The following IP6K3 variants were observed in gnomAD, a reference collection of about 807,000 sequenced individuals.
IP6K3 encodes the protein inositol hexakisphosphate kinase 3.
Under a neutral mutation model 28.8 loss-of-function variants are expected in IP6K3, and 20 were observed. The ratio of observed to expected loss-of-function variants is 0.70; its 90% CI spans 0.49 to 1.01. The LOEUF (loss-of-function observed/expected upper bound fraction) is 1.01. IP6K3 is among the 50% of genes least tolerant of loss of function. The probability of loss-of-function intolerance (pLI) is 0.00; values close to 1 mark genes in which losing one functional copy is unlikely to be tolerated. For missense variants in IP6K3, 480 were observed against 537.1 expected, an observed-to-expected ratio of 0.89 and a Z score of 1.05; for synonymous variants, 213 against 221.3, an observed-to-expected ratio of 0.96 and a Z score of 0.33.
chr6:33,746,887 G>A lies in IP6K3; in HGVS notation c.-309C>T, dbSNP rs1398039507. The A allele has an allele frequency of 6.6e-6, 1 of 152,448 alleles. No homozygotes were observed. Among genetic ancestry groups the A allele is most frequent in the Non-Finnish European group, 1.5e-5 (1 of 68,180 alleles). 9.4% of individuals were successfully genotyped at this position (152,448 alleles called of 1,614,324 possible). ...CGTGGAGCATTTGCTGTTCACCAGAGCCCTGGTGCGGGAGGTCTGCCCGGG... is the reference window on the plus strand; with the variant it reads ...CGTGGAGCATTTGCTGTTCACCAGAACCCTGGTGCGGGAGGTCTGCCCGGG... On this transcript the variant is annotated 5_prime_UTR_variant, in exon 1 of 6. Coordinates refer to ENST00000293756, the MANE Select transcript of IP6K3 (RefSeq NM_054111.5). This position sits in a 1 kb window ranked among gnomAD's most constrained non-coding sequence, Gnocchi z 6.5.
At chr6:33,750,518 A>G (rs1298915413), upstream of IP6K3, among the ~76,000 whole-genome samples, 2 of 152,008 alleles carry the variant, frequency 1.3e-5, no homozygotes, top group Non-Finnish European at 2.9e-5. This position sits in a 1 kb window ranked among gnomAD's most constrained non-coding sequence, Gnocchi z 4.3. Context: ...TTTTTTTAGA[A>G]GTGCTTATGC....
chr6:33,731,240 A>G (rs2127354995), intron 2 of IP6K3, among the ~76,000 whole-genome samples: 1 of 152,250 alleles, frequency 6.6e-6, no homozygotes, highest in African/African-American at 2.4e-5. Context: ...GGAAAATTCA[A>G]GCTGCCCTCC....
In IP6K3 at chr6:33,726,763, A is replaced by G; in HGVS notation, c.557T>C (p.Leu186Pro). The change falls in exon 4 of 6, where the codon CTG becomes CCG. Residue 186 changes from leucine (L) to proline (P), a missense_variant. Coordinates refer to ENST00000293756, the MANE Select transcript of IP6K3 (RefSeq NM_054111.5). ...LQCHQAHLTR[L>P]CSEYPENKRH... Reference sequence around the variant, plus strand: ...CTTGTTCTCTGGGTACTCGGAGCACAGGCGGGTCAGGTGGGCCTGGTGGCA... The same window carrying G: ...CTTGTTCTCTGGGTACTCGGAGCACGGGCGGGTCAGGTGGGCCTGGTGGCA... The G allele has an allele frequency of 6.2e-7, 1 of 1,601,830 alleles. No individual in the cohort carries two copies. Among genetic ancestry groups the G allele is most frequent in the South Asian group, 1.1e-5 (1 of 90,414 alleles).
At chr6:33,753,214 G>T in the IP6K3 span, among the ~76,000 whole-genome samples, 1 of 152,158 alleles carries the variant, frequency 6.6e-6, no homozygotes, top group East Asian at 1.9e-4. Flanking sequence ...CACCACGCTT[G>T]ACCTATTATT....
the IP6K3 span, among the ~76,000 whole-genome samples, chr6:33,760,174 G>A: frequency 2.6e-5 from 4 of 152,234 alleles, no homozygotes; most frequent in Non-Finnish European, 5.9e-5. Flanking sequence ...CTAGCTAGAA[G>A]CTTTGACCCT....
At chr6:33,724,375 G>A (rs1360138023) in intron 5 of IP6K3, among the ~76,000 whole-genome samples, 8 of 152,330 alleles carry the variant, frequency 5.3e-5, no homozygotes, top group Middle Eastern at 6.8e-3. Context: ...GCTTCAAGGG[G>A]TGGCGGTTTC....
chr6:33,735,728 GC>G, intron 1 of IP6K3, 73 bp from the exon 2 acceptor site: 1 of 749,164 alleles, frequency 1.3e-6, no homozygotes, highest in Non-Finnish European at 2.1e-6. Flanking sequence ...GCTTGGAAGG[GC>G]CCACACAGCC....
At chr6:33,736,426 A>T (rs888903709) in intron 1 of IP6K3, among the ~76,000 whole-genome samples, 7 of 151,842 alleles carry the variant, frequency 4.6e-5, no homozygotes, top group African/African-American at 1.7e-4. Flanking sequence ...TTATTTAGAG[A>T]CAGAGTCTCA....
chr6:33,725,581 T>G lies in IP6K3; in HGVS notation c.625A>C (p.Thr209Pro). The G allele has an allele frequency of 6.2e-7, 1 of 1,614,210 alleles. No individual in the cohort carries two copies. Among genetic ancestry groups the G allele is most frequent in the South Asian group, 1.1e-5 (1 of 91,082 alleles). The stretch of plus-strand genomic sequence containing the variant: ...TTCAGATCCAGGACACAGGGATGCG[T>G]GTACTGTGACACTACATTTTCCAGC... ...LLLENVVSQY[T>P]HPCVLDLKMG... The change falls in exon 5 of 6, where the codon ACG (threonine) becomes CCG (proline). Residue 209 changes from threonine (T) to proline (P), a missense_variant. By Grantham distance (38) the Thr-to-Pro change is conservative. Transcript: ENST00000293756.
chr6:33,728,828 A>G (rs2127352688), intron 2 of IP6K3, among the ~76,000 whole-genome samples: 1 of 152,152 alleles, frequency 6.6e-6, no homozygotes, highest in South Asian at 2.1e-4. Context: ...TGCTTCTTCC[A>G]GGAAGGCTTC....
At chr6:33,723,490 T>A (rs191563487) in intron 5 of IP6K3, among the ~76,000 whole-genome samples, 2 of 152,252 alleles carry the variant, frequency 1.3e-5, no homozygotes, top group Non-Finnish European at 2.9e-5. Flanking sequence ...GAATTTCCAA[T>A]GTCAACCTCC....
rs563284835 is a variant in IP6K3 at position 33,726,911 on chromosome 6, G to A, written c.414-5C>T. On this transcript the variant is annotated splice_polypyrimidine_tract_variant and splice_region_variant and intron_variant, in intron 3 of 5. Transcript: ENST00000293756. Reference sequence around the variant, plus strand: ...CTCAGAAGAGCCTTGGCCGGGCTGCGGCGGAGTGGAGCACAGGACGGTCAG... The same window carrying A: ...CTCAGAAGAGCCTTGGCCGGGCTGCAGCGGAGTGGAGCACAGGACGGTCAG... 5.1e-5 allele frequency: 82 copies of A among 1,595,096 alleles called. No individual in the cohort carries two copies. The East Asian group carries it at 8.8e-4, about 17-fold the overall frequency.
At chr6:33,740,412 G>C (rs56152312) in intron 1 of IP6K3, among the ~76,000 whole-genome samples, 2 of 152,228 alleles carry the variant, frequency 1.3e-5, no homozygotes, top group Non-Finnish European at 2.9e-5. Context: ...ATGGGGCGCA[G>C]ACACCGAGCT....
rs138884987 is a variant in IP6K3 at position 33,736,085 on chromosome 6, C to G, written c.-179-430G>C. On this transcript the variant is annotated intron_variant, in intron 1 of 5. Coordinates refer to ENST00000293756, the MANE Select transcript of IP6K3 (RefSeq NM_054111.5). Reference sequence around the variant, plus strand: ...CTCACCATGTTGCCTGGGCTGGTCTCAAACTCCTGAGCTCAAGTGATCCAC... The same window carrying G: ...CTCACCATGTTGCCTGGGCTGGTCTGAAACTCCTGAGCTCAAGTGATCCAC... Among the ~76,000 whole-genome samples the G allele has an allele frequency of 7.4e-3, 1,124 of 152,296 alleles. 12 individuals carry two copies. Among genetic ancestry groups the G allele is most frequent in the African/African-American group, 0.025 (1,057 of 41,550 alleles).
chr6:33,736,672 C>T (rs939204911), intron 1 of IP6K3, among the ~76,000 whole-genome samples: 7 of 152,212 alleles, frequency 4.6e-5, no homozygotes, highest in Non-Finnish European at 8.8e-5. Context: ...TCCCAAAGTG[C>T]TGGGATTACA....
chr6:33,723,138 C>A lies in IP6K3; in HGVS notation c.815G>T (p.Gly272Val), dbSNP rs1031736954. 6.2e-7 allele frequency: 1 copy of A among 1,612,856 alleles called. No homozygotes were observed. The highest frequency in any genetic ancestry group is 2.2e-5 in the East Asian group (1 of 44,866). The change falls in exon 6 of 6, where the codon GGA becomes GTA. Residue 272 changes from glycine (G) to valine (V), a missense_variant. Gly to Val is a moderately radical substitution (Grantham distance 109). Coordinates refer to ENST00000293756, the MANE Select transcript of IP6K3 (RefSeq NM_054111.5). Reference protein sequence around the residue: ...KYFLCKDKYYGRKLSVEGFRQ... With the variant: ...KYFLCKDKYYVRKLSVEGFRQ... ...GAACCCCTCCACTGAGAGTTTTCTTCCATAGTACTTGTCTTTGCAGAGAAA... is the reference window on the plus strand; with the variant it reads ...GAACCCCTCCACTGAGAGTTTTCTTACATAGTACTTGTCTTTGCAGAGAAA...
rs1765940750 is a variant in IP6K3, at chr6:33,722,595, A to G, written c.*125T>C. On this transcript the variant is annotated 3_prime_UTR_variant, in exon 6 of 6. Transcript: ENST00000293756. ...TTAATATAGTCTGCCATATATAGAGATGGTTTTTGAAGGTAGATAGGACTA... is the reference window on the plus strand; with the variant it reads ...TTAATATAGTCTGCCATATATAGAGGTGGTTTTTGAAGGTAGATAGGACTA... The G allele has an allele frequency of 3.0e-6, 2 of 659,316 alleles. No individual in the cohort carries two copies. The highest frequency in any genetic ancestry group is 5.4e-6 in the Non-Finnish European group (2 of 371,406). The allele number at this position is 659,316 out of a possible 1,614,324, so 40.8% of individuals were successfully genotyped here.
At chr6:33,752,309 G>A in the IP6K3 span, among the ~76,000 whole-genome samples, 1 of 152,332 alleles carries the variant, frequency 6.6e-6, no homozygotes, top group East Asian at 1.9e-4. Flanking sequence ...CCTGCCCACT[G>A]GTCCTTGGAG....
chr6:33,741,645 CAAAAAA>C (rs11403411), intron 1 of IP6K3, among the ~76,000 whole-genome samples: 6 of 29,376 alleles, frequency 2.0e-4, no homozygotes, highest in African/African-American at 8.7e-4. Flanking sequence ...GACTCCATCT[CAAAAAA>C]AAAAAAAAAA....
Sources: gnomAD v4.1 joint callset for allele counts (sites outside exome capture counted in the v4.1 genomes callset) on GRCh38, gnomAD v4.1.1 for gene constraint, Gnocchi (gnomAD v3.1) non-coding constraint, MANE v1.5 for transcripts, NCBI Gene and HGNC (gene_info 2026-07-23, HGNC 2026-07-21) for gene names.